The following MCPH1 variants were observed in gnomAD, a reference collection of about 807,000 sequenced individuals.
The protein encoded by MCPH1 is microcephalin 1.
A neutral mutation model predicts 84.5 loss-of-function variants in MCPH1; 104 were observed. The observed-to-expected ratio is 1.23, with a 90% CI of 1.05 to 1.45. The LOEUF (loss-of-function observed/expected upper bound fraction) is 1.45, where lower values mean the gene tolerates loss of function less well. Ranked by LOEUF, MCPH1 falls within the 40% of genes most tolerant of loss-of-function variation. The probability of loss-of-function intolerance (pLI) is 0.00; values close to 1 mark genes in which losing one functional copy is unlikely to be tolerated. For synonymous variants in MCPH1, 514 were observed against 366.8 expected, an observed-to-expected ratio of 1.40 and a Z score of -4.58; for missense variants, 1,498 against 1,005.7, an observed-to-expected ratio of 1.49 and a Z score of -6.62.
At chr8:6,623,800 C>T (rs556648243) in intron 13 of MCPH1, among the ~76,000 whole-genome samples, 1 of 151,034 alleles carries the variant, frequency 6.6e-6, no homozygotes, top group East Asian at 1.9e-4. Context: ...TCAAAACATC[C>T]TATGTTCTGA....
chr8:6,582,984 G>A (rs770952385), intron 12 of MCPH1, among the ~76,000 whole-genome samples: 3 of 152,106 alleles, frequency 2.0e-5, no homozygotes, highest in African/African-American at 4.8e-5. Flanking sequence ...AGTTCTGCAC[G>A]TACTTACTCT....
intron 12 of MCPH1, among the ~76,000 whole-genome samples, chr8:6,611,008 G>T (rs746563807): frequency 1.6e-4 from 24 of 152,050 alleles, no homozygotes; most frequent in Admixed American, 9.8e-4. Flanking sequence ...CCCCTCTCCA[G>T]CTGCAAGCTG....
At chr8:6,590,745 G>C (rs1413168809) in intron 12 of MCPH1, among the ~76,000 whole-genome samples, 2 of 152,210 alleles carry the variant, frequency 1.3e-5, no homozygotes, top group East Asian at 3.8e-4. Context: ...AGTAACCCTA[G>C]GGTAGGTATG....
intron 13 of MCPH1, chr8:6,626,047 C>G (rs984803389): frequency 2.0e-6 from 2 of 985,380 alleles, no homozygotes; most frequent in South Asian, 4.7e-5. Context: ...ACAGTCCACC[C>G]GCCAGCCTTT....
chr8:6,483,105 A>G (rs1357239381), intron 11 of MCPH1, among the ~76,000 whole-genome samples: 1 of 152,242 alleles, frequency 6.6e-6, no homozygotes, highest in Non-Finnish European at 1.5e-5. Context: ...TTGAAACTTC[A>G]GTATAAAGCT....
At chr8:6,634,524 G>A (rs545988235) in intron 13 of MCPH1, among the ~76,000 whole-genome samples, 4 of 152,178 alleles carry the variant, frequency 2.6e-5, no homozygotes, top group African/African-American at 7.2e-5. Context: ...CAGCAGGCAC[G>A]CATAAGTGTA....
intron 13 of MCPH1, among the ~76,000 whole-genome samples, chr8:6,633,067 C>G (rs1301101975): frequency 6.6e-6 from 1 of 151,282 alleles, no homozygotes; most frequent in Non-Finnish European, 1.5e-5. Flanking sequence ...AGATAACTTT[C>G]TTAACTATGG....
chr8:6,496,078 T>C (rs71525730), intron 11 of MCPH1, among the ~76,000 whole-genome samples: 18,720 of 152,210 alleles, frequency 0.12, 1,379 homozygotes, highest in Middle Eastern at 0.24. Context: ...TTTCTATTAT[T>C]ATTACATTGT....
chr8:6,478,773 C>G (rs1304197731), intron 10 of MCPH1, among the ~76,000 whole-genome samples: 3 of 152,062 alleles, frequency 2.0e-5, no homozygotes, highest in African/African-American at 7.2e-5. Flanking sequence ...GCCTTTATTT[C>G]TTTCCAAGTT....
chr8:6,477,360 C>T, intron 9 of MCPH1: 1 of 500,610 alleles, frequency 2.0e-6, no homozygotes, highest in Non-Finnish European at 3.5e-6. Flanking sequence ...TTTTGTTTTG[C>T]TCTTGTACCT....
chr8:6,465,055 G>C (rs1038543674), intron 9 of MCPH1, among the ~76,000 whole-genome samples: 6 of 152,048 alleles, frequency 3.9e-5, no homozygotes, highest in East Asian at 1.9e-4. Context: ...GAGCAAAGGA[G>C]AGATGTGGAG....
intron 11 of MCPH1, among the ~76,000 whole-genome samples, chr8:6,496,420 G>A (rs747485104): frequency 3.3e-5 from 5 of 152,118 alleles, no homozygotes; most frequent in Admixed American, 1.3e-4. Context: ...GTGTGGCCCC[G>A]TTCCTAATAG....
intron 4 of MCPH1, among the ~76,000 whole-genome samples, chr8:6,432,170 A>G (rs535885031): frequency 1.6e-4 from 24 of 152,324 alleles, no homozygotes; most frequent in African/African-American, 5.5e-4. Flanking sequence ...GGGTCTTTCT[A>G]TGTTGCCCAA....
chr8:6,465,104 C>G (rs1010889884), intron 9 of MCPH1, among the ~76,000 whole-genome samples: 5 of 152,132 alleles, frequency 3.3e-5, no homozygotes, highest in Admixed American at 2.6e-4. Context: ...CTCCTAAGGT[C>G]TATCTTACTA....
intron 12 of MCPH1, among the ~76,000 whole-genome samples, chr8:6,512,526 C>G (rs3020214): frequency 0.37 from 55,616 of 152,050 alleles, 10,385 homozygotes; most frequent in Middle Eastern, 0.48. Context: ...CGAGGCGCCA[C>G]CAGTCTGTGC....
intron 12 of MCPH1, among the ~76,000 whole-genome samples, chr8:6,505,621 TTA>T (rs1391870912): frequency 7.8e-6 from 1 of 128,952 alleles, no homozygotes; most frequent in Admixed American, 8.4e-5. Flanking sequence ...CTTTATATAT[TTA>T]TATATGAATG....
intron 12 of MCPH1, among the ~76,000 whole-genome samples, chr8:6,584,499 C>T (rs1197966591): frequency 6.6e-6 from 1 of 152,148 alleles, no homozygotes; most frequent in Non-Finnish European, 1.5e-5. Flanking sequence ...CTTTTAGCTG[C>T]ATATACTGAG....
chr8:6,613,196 C>T (rs553702522), intron 12 of MCPH1, among the ~76,000 whole-genome samples: 9 of 152,192 alleles, frequency 5.9e-5, no homozygotes, highest in East Asian at 5.8e-4. Flanking sequence ...TGGGGAGCCA[C>T]GGCTGAGCGT....
chr8:6,625,094 C>G (rs1000216818), intron 13 of MCPH1: 7 of 756,860 alleles, frequency 9.2e-6, no homozygotes, highest in Non-Finnish European at 1.1e-5. Context: ...AGGCTGGTCT[C>G]AAACCCCCAA....
Sources: gnomAD v4.1 joint callset for allele counts (sites outside exome capture counted in the v4.1 genomes callset) on GRCh38, gnomAD v4.1.1 for gene constraint, MANE v1.5 for transcripts, NCBI Gene and HGNC (gene_info 2026-07-23, HGNC 2026-07-21) for gene names.